EHBP1: variants seen among roughly 807,000 people sequenced by gnomAD.
The protein encoded by EHBP1 is EH domain binding protein 1, also known as EH domain-binding protein 1.
In EHBP1, 55 loss-of-function variants were observed where a neutral mutation model predicts 144.0. That is an observed-to-expected ratio of 0.38 (90% CI 0.31 to 0.48). The LOEUF (loss-of-function observed/expected upper bound fraction) is 0.48, where lower values mean the gene tolerates loss of function less well. Among genes scored for constraint, EHBP1 ranks in the 20% least tolerant of loss-of-function variants. EHBP1 has a pLI of 0.98. For missense variants in EHBP1, 1,200 were observed against 1,364.2 expected, an observed-to-expected ratio of 0.88 and a Z score of 1.90; for synonymous variants, 469 against 472.7, an observed-to-expected ratio of 0.99 and a Z score of 0.10.
intron 1 of EHBP1, among the ~76,000 whole-genome samples, chr2:62,696,168 T>C (rs1194107218): frequency 2.8e-5 from 4 of 143,024 alleles, no homozygotes; most frequent in Admixed American, 6.9e-5. Flanking sequence ...CTCTCTCTCT[T>C]TCTTTCTTTC....
At chr2:62,931,946 A>G (rs1490868411) in intron 10 of EHBP1, among the ~76,000 whole-genome samples, 3 of 152,156 alleles carry the variant, frequency 2.0e-5, no homozygotes, top group Non-Finnish European at 4.4e-5. Context: ...TGGGAGGCCA[A>G]GGTGGGAGCA....
chr2:62,689,585 C>T (rs997313764), intron 1 of EHBP1, among the ~76,000 whole-genome samples: 4 of 152,040 alleles, frequency 2.6e-5, no homozygotes, highest in East Asian at 3.9e-4. Flanking sequence ...TGGAGGTTGC[C>T]GAGAGGTAAC....
At chr2:62,719,991 TTGCTA>T (rs893754504) in intron 2 of EHBP1, among the ~76,000 whole-genome samples, 1 of 152,156 alleles carries the variant, frequency 6.6e-6, no homozygotes, top group African/African-American at 2.4e-5. Context: ...GTTTTGGCAG[TTGCTA>T]TGACAAAAAG....
At chr2:62,912,380 C>T (rs2054293703) in intron 10 of EHBP1, among the ~76,000 whole-genome samples, 1 of 151,986 alleles carries the variant, frequency 6.6e-6, no homozygotes, top group South Asian at 2.1e-4. Flanking sequence ...GGTAAAACCC[C>T]CTCTCTACTA....
intron 5 of EHBP1, among the ~76,000 whole-genome samples, chr2:62,815,635 G>T (rs2045382054): frequency 6.6e-6 from 1 of 152,122 alleles, no homozygotes; most frequent in Admixed American, 6.6e-5. Flanking sequence ...TCACCCTTGG[G>T]TATTTGGCAA....
chr2:62,781,150 T>A (rs1041192981), intron 5 of EHBP1, among the ~76,000 whole-genome samples: 6 of 152,040 alleles, frequency 3.9e-5, no homozygotes, highest in African/African-American at 1.4e-4. Flanking sequence ...CTATGAAGAT[T>A]AAGTTTAGGA....
chr2:62,898,616 A>G (rs996215643), intron 10 of EHBP1, among the ~76,000 whole-genome samples: 5 of 152,088 alleles, frequency 3.3e-5, no homozygotes, highest in Non-Finnish European at 4.4e-5. Context: ...TCCAATCACT[A>G]TATCATACCT....
intron 5 of EHBP1, among the ~76,000 whole-genome samples, chr2:62,793,469 C>G (rs1178461792): frequency 6.6e-6 from 1 of 151,988 alleles, no homozygotes; most frequent in Non-Finnish European, 1.5e-5. Flanking sequence ...CATGTTGATT[C>G]AAGGACAGTT....
At position 62,838,540 on chromosome 2, in the gene EHBP1, G is replaced by A. The variant is rs947307048; in HGVS notation, c.634+7382G>A. On this transcript the variant is annotated intron_variant, in intron 7 of 22. Coordinates refer to ENST00000431489, the MANE Select transcript of EHBP1 (RefSeq NM_001142616.3). ...ACACAAAAAGCCCTTCAAAAAATCA[G>A]TGAATCCAGGAGCTGGTTTTTTGAA... Among the ~76,000 whole-genome samples, 34 of 152,200 alleles carry A rather than the reference G, an allele frequency of 2.2e-4. No individual in the cohort carries two copies. The East Asian group carries it at 4.1e-3, about 18-fold the overall frequency.
chr2:62,931,848 A>G (rs1283629987), intron 10 of EHBP1, among the ~76,000 whole-genome samples: 1 of 152,114 alleles, frequency 6.6e-6, no homozygotes, highest in Non-Finnish European at 1.5e-5. Flanking sequence ...AGACAGCTCA[A>G]TACTATCCAC....
At chr2:62,990,586 T>C (rs983172003) in intron 15 of EHBP1, 130 bp from the exon 16 acceptor site, 32 of 929,550 alleles carry the variant, frequency 3.4e-5, no homozygotes, top group Non-Finnish European at 5.0e-5. Context: ...TTCATGTGTC[T>C]AATCTACTAA....
rs74860423 is a variant in EHBP1, at chr2:62,940,901, G to C, written c.1186-1817G>C. ...AGTCATAATCATAATGATGTAATAT[G>C]TTTTCTTTAGTTCTTACATACAGAA... On this transcript the variant is annotated intron_variant, in intron 10 of 22. Transcript: ENST00000431489. 7.3e-4 allele frequency among the ~76,000 whole-genome samples: 111 copies of C among 152,150 alleles called. 3 individuals carry two copies. The East Asian group carries it at 0.019, about 26-fold the overall frequency.
At chr2:62,829,597 A>G (rs372185591) in intron 6 of EHBP1, among the ~76,000 whole-genome samples, 1,762 of 135,526 alleles carry the variant, frequency 0.013, 9 homozygotes, top group Non-Finnish European at 0.021. Flanking sequence ...GTGTGTGTGT[A>G]TATATATATT....
chr2:62,929,534 T>TA (rs569098211), intron 10 of EHBP1, among the ~76,000 whole-genome samples: 11 of 151,412 alleles, frequency 7.3e-5, no homozygotes, highest in South Asian at 4.2e-4. Context: ...CTTTCATGAT[T>TA]AAAAAAAAAT....
upstream of EHBP1, among the ~76,000 whole-genome samples, chr2:62,705,082 C>G (rs2034417215): frequency 6.6e-6 from 1 of 152,120 alleles, no homozygotes; most frequent in Non-Finnish European, 1.5e-5. Context: ...CCAGTTGACT[C>G]TATGTTGGGC....
At chr2:62,938,914 T>C (rs2056566465) in intron 10 of EHBP1, among the ~76,000 whole-genome samples, 1 of 152,216 alleles carries the variant, frequency 6.6e-6, no homozygotes, top group Non-Finnish European at 1.5e-5. Context: ...GAATTCCTGC[T>C]GATAATGCAT....
At chr2:62,974,859 GTTAC>G (rs2058646239) in intron 14 of EHBP1, among the ~76,000 whole-genome samples, 1 of 152,064 alleles carries the variant, frequency 6.6e-6, no homozygotes, top group South Asian at 2.1e-4. Context: ...TCTGTGTGGT[GTTAC>G]TTAAGCATAT....
chr2:63,044,352 A>G (rs542136806), intron 21 of EHBP1: 2 of 151,766 alleles, frequency 1.3e-5, no homozygotes, highest in Admixed American at 1.3e-4. Flanking sequence ...AGAAAGAAAT[A>G]TGTAATTTTT....
intron 15 of EHBP1, among the ~76,000 whole-genome samples, chr2:62,987,436 TATG>T (rs2059244526): frequency 6.6e-6 from 1 of 152,222 alleles, no homozygotes. Context: ...ATAATGTTTT[TATG>T]ATAATATTTC....
Sources: gnomAD v4.1 joint callset for allele counts (sites outside exome capture counted in the v4.1 genomes callset) on GRCh38, gnomAD v4.1.1 for gene constraint, MANE v1.5 for transcripts, NCBI Gene and HGNC (gene_info 2026-07-23, HGNC 2026-07-21) for gene names.